Variants in GAREM2 observed in about 807,000 individuals in gnomAD.
GAREM2 encodes GRB2-associated and regulator of MAPK protein 2.
GAREM2 carries 30 observed loss-of-function variants against 55.6 expected under a neutral mutation model. The ratio of observed to expected loss-of-function variants is 0.54; its 90% CI spans 0.40 to 0.73. GAREM2 has a LOEUF of 0.73. Among genes scored for constraint, GAREM2 ranks in the 30% least tolerant of loss-of-function variants. The probability of loss-of-function intolerance (pLI) is 0.00; values close to 1 mark genes in which losing one functional copy is unlikely to be tolerated. For missense variants in GAREM2, 1,075 were observed against 1,257.7 expected (o/e 0.85, Z 2.20); for synonymous variants, 550 against 569.1 (o/e 0.97, Z 0.48).
Position 26,187,752 on chromosome 2 carries a change from G to A in GAREM2, c.2120G>A (p.Gly707Glu). The stretch of plus-strand genomic sequence containing the variant: ...GAGCCCTTCGATCCCTTTGAGCTGG[G>A]GCAGGGCAGTTCTCCAGAGCCTGAG... ...VLEPFDPFEL[G>E]QGSSPEPELL... The change falls in exon 6 of 6, where the codon GGG becomes GAG. Residue 707 changes from glycine (G) to glutamate (E), a missense_variant. Around this residue, in one of 6 missense-constraint regions of GAREM2, gnomAD observed 515 missense variants for 501.5 expected, o/e 1.03. Transcript: ENST00000401533. The A allele has an allele frequency of 6.9e-7, 1 of 1,451,124 alleles. No homozygotes were observed. The highest frequency in any genetic ancestry group is 9.1e-7 in the Non-Finnish European group (1 of 1,096,664). The allele number at this position is 1,451,124 out of a possible 1,614,324, so 89.9% of individuals were successfully genotyped here. A position where few individuals can be genotyped will look rare whatever the true frequency, so the allele number is the denominator to read the frequency against.
At chr2:26,197,757 G>C in the GAREM2 span, 1 of 1,533,944 alleles carries the variant, frequency 6.5e-7, no homozygotes, top group African/African-American at 1.4e-5. Context: ...TACTGGCAAA[G>C]ATACAGTGAT....
rs559003685 is a variant in GAREM2, at chr2:26,182,216, T to G, written c.254-751T>G. On this transcript the variant is annotated intron_variant, in intron 2 of 5. Coordinates refer to ENST00000401533, the MANE Select transcript of GAREM2 (RefSeq NM_001168241.2). ...CAGACTGGCAATCACTTCCGTAAAG[T>G]CTGTGTCTCCTAGGGGCATGTGCTG... 31 of 1,382,848 alleles carry G rather than the reference T, an allele frequency of 2.2e-5. No homozygotes were observed. The South Asian group carries it at 4.9e-4, about 22-fold the overall frequency. 85.7% of individuals were successfully genotyped at this position (1,382,848 alleles called of 1,614,324 possible). A position where few individuals can be genotyped will look rare whatever the true frequency, so the allele number is the denominator to read the frequency against.
Position 26,185,014 on chromosome 2 carries a change from G to T in GAREM2, c.1166G>T (p.Gly389Val). The T allele has an allele frequency of 9.0e-7, 1 of 1,107,112 alleles. No homozygotes were observed. The highest frequency in any genetic ancestry group is 1.1e-6 in the Non-Finnish European group (1 of 909,308). The allele number at this position is 1,107,112 out of a possible 1,614,324, so 68.6% of individuals were successfully genotyped here. Residue 389 changes from glycine (G) to valine (V), a missense_variant, in exon 4 of 6, where the codon GGG becomes GTG. By Grantham distance (109) the Gly-to-Val change is moderately radical. Coordinates refer to ENST00000401533, the MANE Select transcript of GAREM2 (RefSeq NM_001168241.2). ...RLCLPAPRAP[G>V]LARAPGPLAP... ...TGCCTGCCCGCGCCGCGCGCCCCCG[G>T]GCTCGCCCGCGCCCCCGGCCCGCTA...
the GAREM2 span, chr2:26,201,424 G>T: frequency 1.3e-6 from 1 of 772,892 alleles, no homozygotes; most frequent in Non-Finnish European, 2.2e-6. Flanking sequence ...ACTCTGTGAG[G>T]TAGTTATTCT....
In GAREM2 at chr2:26,187,505, G is replaced by A; in HGVS notation, c.1873G>A (p.Ala625Thr). Residue 625 changes from alanine to threonine, a missense_variant, in exon 6 of 6, where the codon GCT becomes ACT. Ala to Thr is a moderately conservative substitution (Grantham distance 58, BLOSUM62 0). This residue lies in a region of GAREM2 where 515 missense variants were observed against 501.5 expected (regional missense o/e 1.03). Transcript: ENST00000401533. ...GCCCTCACATCCCCAGAAGCGCTTT[G>A]CTCCGTTTGGAGCTCTCAACCCTTT... ...FKPSHPQKRF[A>T]PFGALNPFSG... 1 of 1,543,826 alleles carries A rather than the reference G, an allele frequency of 6.5e-7. No homozygotes were observed. Among genetic ancestry groups the A allele is most frequent in the South Asian group, 1.2e-5 (1 of 82,796 alleles).
At chr2:26,200,100 G>C in the GAREM2 span, among the ~76,000 whole-genome samples, 2 of 152,170 alleles carry the variant, frequency 1.3e-5, no homozygotes, top group East Asian at 3.8e-4. Context: ...CCAAGGAATG[G>C]GTTTTGTTAG....
At position 26,188,092 on chromosome 2, in the gene GAREM2, C is replaced by T; in HGVS notation, c.2460C>T (p.Phe820=). Residue 820 remains phenylalanine (F), a synonymous_variant, in exon 6 of 6, where the codon TTC becomes TTT. Transcript: ENST00000401533. ...SLEEVSRSLR[F]IGLSEDVVSF... is the part of the protein sequence containing the mutation. ...AGGAGGTCTCTCGCAGTCTGCGTTT[C>T]ATCGGGCTCTCAGAGGATGTGGTGA... is the stretch of plus-strand genomic sequence containing the variant. 2 of 1,550,440 alleles carry T rather than the reference C, an allele frequency of 1.3e-6. No homozygotes were observed. Among genetic ancestry groups the T allele is most frequent in the South Asian group, 1.2e-5 (1 of 83,716 alleles).
At chr2:26,195,063 C>G in the GAREM2 span, 2 of 1,595,810 alleles carry the variant, frequency 1.3e-6, no homozygotes, top group Non-Finnish European at 1.7e-6. Context: ...TTTTCAAAAA[C>G]TCTGCAGCTC....
In GAREM2 at chr2:26,185,249, G is replaced by A. The variant is rs1669209587; in HGVS notation, c.1401G>A (p.Pro467=). 2.6e-6 allele frequency: 4 copies of A among 1,520,490 alleles called. No individual in the cohort carries two copies. Among genetic ancestry groups the A allele is most frequent in the African/African-American group, 1.4e-5 (1 of 70,812 alleles). The allele number at this position is 1,520,490 out of a possible 1,614,324, so 94.2% of individuals were successfully genotyped here. A position where few individuals can be genotyped will look rare whatever the true frequency, so the allele number is the denominator to read the frequency against. ...GPPRREPEAP[P]PPVPPKSEAV... Reference sequence around the variant, plus strand: ...CGCGTCGGGAGCCGGAAGCGCCGCCGCCTCCAGTCCCTCCCAAATCCGAGG... The same window carrying A: ...CGCGTCGGGAGCCGGAAGCGCCGCCACCTCCAGTCCCTCCCAAATCCGAGG... The change falls in exon 4 of 6, where the codon CCG becomes CCA. Residue 467 remains proline, a synonymous_variant. Coordinates refer to ENST00000401533, the MANE Select transcript of GAREM2 (RefSeq NM_001168241.2).
chr2:26,182,543 G>A, intron 2 of GAREM2: 3 of 1,509,788 alleles, frequency 2.0e-6, no homozygotes, highest in African/African-American at 1.4e-5. Flanking sequence ...GGACCCAGAG[G>A]CCCAGAGAGG....
downstream of GAREM2, chr2:26,191,731 T>G: frequency 1.7e-6 from 2 of 1,179,200 alleles, no homozygotes; most frequent in Non-Finnish European, 2.5e-6. Flanking sequence ...TGGGGAGCTC[T>G]GTGGGCCGGT....
the GAREM2 span, chr2:26,204,042 AAGAG>A: frequency 6.2e-7 from 1 of 1,612,570 alleles, no homozygotes; most frequent in African/African-American, 1.3e-5. Context: ...AACTCTTGCA[AAGAG>A]AGAGAGCAGG....
chr2:26,173,354 G>A, intron 1 of GAREM2, 22 bp downstream of exon 1: 1 of 1,293,126 alleles, frequency 7.7e-7, no homozygotes, highest in Non-Finnish European at 1.0e-6. Flanking sequence ...GCTGGAGATG[G>A]GGACCGGGGT....
intron 3 of GAREM2, among the ~76,000 whole-genome samples, chr2:26,183,790 T>C (rs1669132011): frequency 6.6e-6 from 1 of 152,210 alleles, no homozygotes; most frequent in South Asian, 2.1e-4. Context: ...TGCTGTTCTG[T>C]TTACAAACCC....
the GAREM2 span, chr2:26,195,303 C>G: frequency 3.9e-6 from 5 of 1,266,208 alleles, no homozygotes; most frequent in Non-Finnish European, 5.8e-6. Context: ...TCCTTCTCTG[C>G]TAGGAAAACA....
At chr2:26,181,462 T>C (rs1669049304) in intron 2 of GAREM2, 1 of 152,216 alleles carries the variant, frequency 6.6e-6, no homozygotes, top group African/African-American at 2.4e-5. Context: ...TGTAACTCTT[T>C]TGTCACAAGT....
intron 2 of GAREM2, among the ~76,000 whole-genome samples, chr2:26,180,391 G>C (rs1669007067): frequency 6.6e-6 from 1 of 152,326 alleles, no homozygotes; most frequent in African/African-American, 2.4e-5. Flanking sequence ...CAAGCCCCCT[G>C]CTCTTCCTCT....
At chr2:26,182,629 T>A in intron 2 of GAREM2, 1 of 882,988 alleles carries the variant, frequency 1.1e-6, no homozygotes, top group Non-Finnish European at 1.8e-6. Context: ...ACCACACTGA[T>A]AGTTGATCAG....
chr2:26,188,042 G>C lies in GAREM2; in HGVS notation c.2410G>C (p.Ala804Pro). Residue 804 changes from alanine (A) to proline (P), a missense_variant, in exon 6 of 6, where the codon GCT (alanine) becomes CCT (proline). Ala to Pro is a conservative substitution (Grantham distance 27, BLOSUM62 -1). Around this residue, in one of 6 missense-constraint regions of GAREM2, gnomAD observed 142 missense variants for 172.3 expected, o/e 0.82. Coordinates refer to ENST00000401533, the MANE Select transcript of GAREM2 (RefSeq NM_001168241.2). Reference sequence around the variant, plus strand: ...AGATGCCTCCTCCTGGCAGCCCCCTGCTGACCTGTCTGCACTCTCCCTGGA... The same window carrying C: ...AGATGCCTCCTCCTGGCAGCCCCCTCCTGACCTGTCTGCACTCTCCCTGGA... ...VRDASSWQPP[A>P]DLSALSLEEV... 1 of 1,517,628 alleles carries C rather than the reference G, an allele frequency of 6.6e-7. No individual in the cohort carries two copies. The highest frequency in any genetic ancestry group is 1.3e-5 in the South Asian group (1 of 79,692). The allele number at this position is 1,517,628 out of a possible 1,614,324, so 94.0% of individuals were successfully genotyped here.
Sources: allele counts gnomAD v4.1 joint callset (sites outside exome capture counted in the v4.1 genomes callset), GRCh38; gene constraint gnomAD v4.1.1; regional missense constraint gnomAD v4.1.1; transcripts MANE v1.5; gene names NCBI Gene and HGNC (gene_info 2026-07-23, HGNC 2026-07-21).